Variants in SART3 observed in about 807,000 individuals in gnomAD.
The protein encoded by SART3 is spliceosome associated factor 3, U4/U6 recycling protein.
A neutral mutation model predicts 122.3 loss-of-function variants in SART3; 44 were observed. The observed-to-expected ratio is 0.36, with a 90% CI of 0.28 to 0.46. The LOEUF (loss-of-function observed/expected upper bound fraction) is 0.46, where lower values mean the gene tolerates loss of function less well. Ranked by LOEUF, SART3 falls within the 20% of genes least tolerant of loss-of-function variation. The pLI is 1.00. For synonymous variants in SART3, 442 were observed against 454.0 expected, an observed-to-expected ratio of 0.97 and a Z score of 0.34; for missense variants, 1,101 against 1,229.0, an observed-to-expected ratio of 0.90 and a Z score of 1.56.
At chr12:108,560,790 G>C (rs1303768489) in intron 1 of SART3, 53 bp downstream of exon 1, 1 of 1,507,742 alleles carries the variant, frequency 6.6e-7, no homozygotes, top group Admixed American at 1.9e-5. Flanking sequence ...AGGACATGGG[G>C]ACCCGAGGAC....
At chr12:108,544,585 T>C in intron 4 of SART3, 107 bp from the exon 5 acceptor site, 1 of 1,504,794 alleles carries the variant, frequency 6.6e-7, no homozygotes, top group Admixed American at 1.7e-5. Context: ...TCTTTTTCTT[T>C]TGAGAAGGGT....
intron 14 of SART3, 34 bp downstream of exon 14, chr12:108,531,170 C>CA: frequency 6.3e-7 from 1 of 1,575,352 alleles, no homozygotes; most frequent in Non-Finnish European, 8.7e-7. Flanking sequence ...AAATAGCTAC[C>CA]AGAGGTGCCA....
At position 108,532,258 on chromosome 12, in the gene SART3, C is replaced by G; in HGVS notation, c.1633G>C (p.Val545Leu). The change falls in exon 13 of 19, where the codon GTC becomes CTC. Residue 545 changes from valine (V) to leucine (L), a missense_variant. Val to Leu is a conservative substitution (Grantham distance 32). Around this residue, in one of 2 missense-constraint regions of SART3, gnomAD observed 885 missense variants for 1,080.1 expected, o/e 0.82. Coordinates refer to ENST00000546815, the MANE Select transcript of SART3 (RefSeq NM_014706.4). Reference sequence around the variant, plus strand: ...TCCATGGTGAGTAACACTTCGCAGACGTGCTCTGGGTAGTCACTGGTGCAC... The same window carrying G: ...TCCATGGTGAGTAACACTTCGCAGAGGTGCTCTGGGTAGTCACTGGTGCAC... ...VQCTSDYPEHVCEVLLTMERT... is the reference protein window; with the variant it reads ...VQCTSDYPEHLCEVLLTMERT... 6.2e-7 allele frequency: 1 copy of G among 1,614,194 alleles called. No homozygotes were observed. The highest frequency in any genetic ancestry group is 1.1e-5 in the South Asian group (1 of 91,078).
intron 1 of SART3, among the ~76,000 whole-genome samples, chr12:108,551,178 G>C (rs1034313792): frequency 6.6e-6 from 1 of 152,174 alleles, no homozygotes; most frequent in African/African-American, 2.4e-5. Context: ...TTAAAAAGTT[G>C]AAGCGGACAT....
rs1872193612 is a variant in SART3 at position 108,522,919 on chromosome 12, A to G, written c.*538T>C. On this transcript the variant is annotated 3_prime_UTR_variant, in exon 19 of 19. Transcript: ENST00000546815. ...AAACAATGGCTGACATGTCATTTAC[A>G]AACACATAATATAAAAATGCACAGC... 6.3e-6 allele frequency: 1 copy of G among 159,878 alleles called. No individual in the cohort carries two copies. The highest frequency in any genetic ancestry group is 2.4e-5 in the African/African-American group (1 of 41,526). The allele number at this position is 159,878 out of a possible 1,614,324, so 9.9% of individuals were successfully genotyped here.
Position 108,523,601 on chromosome 12 carries a change from C to T in SART3, c.2748G>A (p.Leu916=). ...CACTTGGGCGCTGCAGGGCACGAGG[C>T]AGTAGAGACAGCTGCGTCCTTCCCT... The part of the protein sequence containing the change: ...RGKGRTQLSL[L]PRALQRPSAA... Residue 916 remains leucine (L), a synonymous_variant, in exon 19 of 19, where the codon CTG becomes CTA. Coordinates refer to ENST00000546815, the MANE Select transcript of SART3 (RefSeq NM_014706.4). The T allele has an allele frequency of 6.2e-7, 1 of 1,614,166 alleles. No homozygotes were observed.
intron 1 of SART3, among the ~76,000 whole-genome samples, chr12:108,554,968 A>G (rs1252765656): frequency 6.6e-6 from 1 of 152,234 alleles, no homozygotes; most frequent in Non-Finnish European, 1.5e-5. Flanking sequence ...ATTATATACA[A>G]AGAGACAAAT....
chr12:108,536,491 C>T, intron 11 of SART3, 23 bp downstream of exon 11: 1 of 1,611,616 alleles, frequency 6.2e-7, no homozygotes, highest in Non-Finnish European at 8.5e-7. Flanking sequence ...GATGAAAGTG[C>T]TAGATGTGTC....
At chr12:108,555,206 G>A (rs926623601) in intron 1 of SART3, among the ~76,000 whole-genome samples, 2 of 152,132 alleles carry the variant, frequency 1.3e-5, no homozygotes, top group African/African-American at 4.8e-5. Context: ...TACGTTATAT[G>A]TTTTTTACAA....
At chr12:108,548,268 T>C (rs1471882694) in intron 2 of SART3, among the ~76,000 whole-genome samples, 2 of 152,256 alleles carry the variant, frequency 1.3e-5, no homozygotes, top group African/African-American at 4.8e-5. Context: ...CCTGTAAGGT[T>C]GGTGATAGTA....
intron 5 of SART3, among the ~76,000 whole-genome samples, chr12:108,543,535 A>G (rs912022339): frequency 2.6e-5 from 4 of 152,200 alleles, no homozygotes; most frequent in Admixed American, 2.0e-4. Context: ...TTGCTCGTCT[A>G]CAGTTAATGG....
intron 10 of SART3, 51 bp from the exon 11 acceptor site, chr12:108,536,623 C>A: frequency 6.2e-7 from 1 of 1,609,650 alleles, no homozygotes; most frequent in South Asian, 1.1e-5. Context: ...GACAGATAGT[C>A]GCTGGCTGAA....
chr12:108,524,265 CT>C (rs1872263161), intron 18 of SART3, 50 bp downstream of exon 18: 1 of 1,474,682 alleles, frequency 6.8e-7, no homozygotes, highest in African/African-American at 1.4e-5. Context: ...GATCCATGAA[CT>C]GGTGCCAGCC....
chr12:108,542,360 C>T (rs1873206964), intron 6 of SART3, among the ~76,000 whole-genome samples: 1 of 152,148 alleles, frequency 6.6e-6, no homozygotes, highest in African/African-American at 2.4e-5. Flanking sequence ...CTGGAAAACA[C>T]TTTAACATCA....
chr12:108,539,409 T>C (rs1050806202), intron 6 of SART3, among the ~76,000 whole-genome samples: 1 of 152,202 alleles, frequency 6.6e-6, no homozygotes, highest in African/African-American at 2.4e-5. Context: ...GTGACCACTG[T>C]CAACCACCCT....
chr12:108,551,977 T>G (rs1017931809), intron 1 of SART3, among the ~76,000 whole-genome samples: 4 of 152,140 alleles, frequency 2.6e-5, no homozygotes, highest in African/African-American at 9.7e-5. Context: ...AGAACTAAAT[T>G]CAGTGTATAA....
intron 11 of SART3, among the ~76,000 whole-genome samples, chr12:108,536,132 C>G (rs1326408435): frequency 2.6e-5 from 4 of 152,312 alleles, no homozygotes; most frequent in African/African-American, 9.6e-5. Context: ...TAGATAGAAG[C>G]CTTACTAGCA....
chr12:108,556,861 C>T (rs544615588), intron 1 of SART3, among the ~76,000 whole-genome samples: 1 of 152,226 alleles, frequency 6.6e-6, no homozygotes, highest in African/African-American at 2.4e-5. Flanking sequence ...AGTGTGCTTG[C>T]GGAGCACAAA....
At chr12:108,539,489 C>T (rs139981379) in intron 6 of SART3, among the ~76,000 whole-genome samples, 2 of 152,310 alleles carry the variant, frequency 1.3e-5, no homozygotes, top group African/African-American at 2.4e-5. Context: ...AATTTTGGTG[C>T]CTGATGCTAT....
Sources: gnomAD v4.1 joint callset for allele counts (sites outside exome capture counted in the v4.1 genomes callset) on GRCh38, gnomAD v4.1.1 for gene constraint, gnomAD v4.1.1 regional missense constraint, MANE v1.5 for transcripts, NCBI Gene and HGNC (gene_info 2026-07-23, HGNC 2026-07-21) for gene names.